FGGY: variants seen among roughly 807,000 people sequenced by gnomAD.
FGGY encodes the protein FGGY carbohydrate kinase domain-containing protein.
Under a neutral mutation model 71.3 loss-of-function variants are expected in FGGY, and 72 were observed. The observed-to-expected ratio is 1.01, with a 90% confidence interval of 0.84 to 1.23. The LOEUF is 1.23. Ranked by LOEUF, FGGY falls within the 50% of genes most tolerant of loss-of-function variation. The probability of loss-of-function intolerance (pLI) is 0.00; values close to 1 mark genes in which losing one functional copy is unlikely to be tolerated. For synonymous variants in FGGY, 251 were observed against 250.3 expected (o/e 1.00, Z -0.02); for missense variants, 668 against 682.3 (o/e 0.98, Z 0.23).
chr1:59,607,356 G>T (rs2096633499), intron 8 of FGGY, among the ~76,000 whole-genome samples: 1 of 152,206 alleles, frequency 6.6e-6, no homozygotes, highest in Admixed American at 6.5e-5. Flanking sequence ...TGAGACCTAG[G>T]CTTGGAAAAC....
chr1:59,551,925 T>C (rs942989738), intron 7 of FGGY, among the ~76,000 whole-genome samples: 2 of 152,160 alleles, frequency 1.3e-5, no homozygotes, highest in Non-Finnish European at 2.9e-5. Context: ...TCACTCAGGA[T>C]TCACTCAGCA....
In FGGY at chr1:59,554,246, A is replaced by G; in HGVS notation, c.903+19A>G. On this transcript the variant is annotated intron_variant, in intron 8 of 15. Transcript: ENST00000303721. ...CATGGGGGTGAGTCCACTGAGCACAAAGGCAAGGCCACCACACAGCAGGAG... is the reference window on the plus strand; with the variant it reads ...CATGGGGGTGAGTCCACTGAGCACAGAGGCAAGGCCACCACACAGCAGGAG... The G allele has an allele frequency of 6.3e-7, 1 of 1,598,352 alleles. No homozygotes were observed. The highest frequency in any genetic ancestry group is 8.6e-7 in the Non-Finnish European group (1 of 1,167,000).
At chr1:59,647,810 C>T (rs574297067) in intron 11 of FGGY, among the ~76,000 whole-genome samples, 2 of 128,522 alleles carry the variant, frequency 1.6e-5, no homozygotes, top group African/African-American at 3.0e-5. Context: ...AGGTTAGTTA[C>T]ATATGTATAC....
chr1:59,302,812 G>A (rs1193803725), intron 1 of FGGY, among the ~76,000 whole-genome samples: 1 of 151,726 alleles, frequency 6.6e-6, no homozygotes, highest in Non-Finnish European at 1.5e-5. Flanking sequence ...TATTAAATAA[G>A]TTTTAAAAAA....
chr1:59,719,384 A>G (rs2097868584), intron 14 of FGGY, among the ~76,000 whole-genome samples: 1 of 152,146 alleles, frequency 6.6e-6, no homozygotes, highest in Non-Finnish European at 1.5e-5. Flanking sequence ...CATCCTAGGG[A>G]AATTACTTAA....
At chr1:59,578,387 C>T (rs1371321504) in intron 8 of FGGY, among the ~76,000 whole-genome samples, 1 of 152,126 alleles carries the variant, frequency 6.6e-6, no homozygotes, top group Admixed American at 6.5e-5. Context: ...TCAAGTGAGA[C>T]CTTCCCCAGG....
chr1:59,476,911 G>A (rs974994619), intron 6 of FGGY, among the ~76,000 whole-genome samples: 1 of 152,158 alleles, frequency 6.6e-6, no homozygotes, highest in Non-Finnish European at 1.5e-5. Flanking sequence ...GAACCATCTC[G>A]GCTCCTCTGA....
intron 8 of FGGY, among the ~76,000 whole-genome samples, chr1:59,591,216 G>C (rs2096429411): frequency 6.6e-6 from 1 of 152,136 alleles, no homozygotes; most frequent in South Asian, 2.1e-4. Context: ...AAAATGGCTA[G>C]GAATCCAACT....
At chr1:59,498,227 TGAG>T (rs202233930) in intron 6 of FGGY, among the ~76,000 whole-genome samples, 2,802 of 149,104 alleles carry the variant, frequency 0.019, 95 homozygotes, top group African/African-American at 0.067. Context: ...ATTTTACAAA[TGAG>T]GAGAAGTAGG....
intron 6 of FGGY, among the ~76,000 whole-genome samples, chr1:59,467,012 A>G (rs1400585738): frequency 6.6e-6 from 1 of 152,172 alleles, no homozygotes; most frequent in Non-Finnish European, 1.5e-5. Context: ...GTATATACCC[A>G]CGGATTATAC....
intron 14 of FGGY, chr1:59,697,889 C>T (rs1488414782): frequency 5.5e-6 from 2 of 365,340 alleles, no homozygotes; most frequent in Non-Finnish European, 1.0e-5. Flanking sequence ...ATAAGACAAG[C>T]TTGGGTTCCA....
intron 9 of FGGY, among the ~76,000 whole-genome samples, chr1:59,612,060 C>G (rs183529855): frequency 8.1e-4 from 123 of 152,296 alleles, no homozygotes; most frequent in African/African-American, 2.8e-3. Context: ...ATGGAACCAA[C>G]TGGGAAAACA....
At chr1:59,669,371 T>C (rs147192069) in intron 13 of FGGY, among the ~76,000 whole-genome samples, 3 of 152,054 alleles carry the variant, frequency 2.0e-5, no homozygotes, top group East Asian at 1.9e-4. Context: ...CAAAACCCTA[T>C]AGAAGTGGGC....
intron 4 of FGGY, among the ~76,000 whole-genome samples, chr1:59,348,509 C>G (rs2052584102): frequency 6.6e-6 from 1 of 151,994 alleles, no homozygotes; most frequent in Non-Finnish European, 1.5e-5. Context: ...AAGTTCAAGT[C>G]CTTTGGGAAT....
At chr1:59,632,114 A>G (rs968316472) in intron 10 of FGGY, among the ~76,000 whole-genome samples, 1 of 152,220 alleles carries the variant, frequency 6.6e-6, no homozygotes, top group African/African-American at 2.4e-5. Context: ...AGCATTTGTG[A>G]TACATGAATG....
At chr1:59,306,660 C>A (rs774524402) in intron 1 of FGGY, among the ~76,000 whole-genome samples, 1 of 152,180 alleles carries the variant, frequency 6.6e-6, no homozygotes, top group Non-Finnish European at 1.5e-5. Flanking sequence ...TTGCTCAAAC[C>A]CAACTAGAAG....
At chr1:59,549,502 C>T (rs2095575503) in intron 7 of FGGY, among the ~76,000 whole-genome samples, 1 of 152,192 alleles carries the variant, frequency 6.6e-6, no homozygotes, top group Admixed American at 6.5e-5. Flanking sequence ...TAAATTACTT[C>T]ACCTTTCTGA....
At chr1:59,378,105 C>G (rs1308963133) in intron 4 of FGGY, among the ~76,000 whole-genome samples, 1 of 152,068 alleles carries the variant, frequency 6.6e-6, no homozygotes, top group African/African-American at 2.4e-5. Flanking sequence ...TCTTATATGT[C>G]CATCACCATT....
At chr1:59,340,636 G>C (rs1004857947) in intron 3 of FGGY, among the ~76,000 whole-genome samples, 2 of 152,166 alleles carry the variant, frequency 1.3e-5, no homozygotes, top group Admixed American at 6.5e-5. Context: ...AATGTAAAGT[G>C]CTACTTGGGT....
Sources: allele counts gnomAD v4.1 joint callset (sites outside exome capture counted in the v4.1 genomes callset), GRCh38; gene constraint gnomAD v4.1.1; transcripts MANE v1.5; gene names NCBI Gene and HGNC (gene_info 2026-07-23, HGNC 2026-07-21).